IQCM: variants seen among roughly 807,000 people sequenced by gnomAD.
IQCM encodes the protein IQ domain-containing protein M.
Under a neutral mutation model 57.6 loss-of-function variants are expected in IQCM, and 45 were observed. That is an observed-to-expected ratio of 0.78 (90% CI 0.62 to 1.00). IQCM has a LOEUF of 1.00. Ranked by LOEUF, IQCM falls within the 50% of genes least tolerant of loss-of-function variation. IQCM has a pLI of 0.00. For synonymous variants in IQCM, 148 were observed against 158.9 expected (o/e 0.93, Z 0.51); for missense variants, 468 against 511.6 (o/e 0.91, Z 0.82).
At chr4:149,627,170 GGA>G (rs1364763581) in intron 7 of IQCM, among the ~76,000 whole-genome samples, 1 of 152,080 alleles carries the variant, frequency 6.6e-6, no homozygotes, top group Admixed American at 6.5e-5. Flanking sequence ...AATGCATAAT[GGA>G]GATTGTAATT....
intron 13 of IQCM, among the ~76,000 whole-genome samples, chr4:149,378,819 G>A (rs1420343080): frequency 6.6e-6 from 1 of 152,150 alleles, no homozygotes; most frequent in African/African-American, 2.4e-5. Context: ...AAGACACTAT[G>A]GGGAGAATGT....
At chr4:149,574,913 G>T (rs1751494145) in intron 9 of IQCM, among the ~76,000 whole-genome samples, 1 of 151,910 alleles carries the variant, frequency 6.6e-6, no homozygotes, top group African/African-American at 2.4e-5. Context: ...AGATCAGGTT[G>T]CCAAGTTCAG....
intron 12 of IQCM, among the ~76,000 whole-genome samples, chr4:149,465,852 G>T (rs1738805817): frequency 6.6e-6 from 1 of 152,060 alleles, no homozygotes; most frequent in African/African-American, 2.4e-5. Flanking sequence ...CTAATGGCAT[G>T]GTAGAGAACT....
intron 5 of IQCM, among the ~76,000 whole-genome samples, chr4:149,728,878 GC>G (rs1766205332): frequency 6.6e-6 from 1 of 152,170 alleles, no homozygotes; most frequent in Admixed American, 6.5e-5. Flanking sequence ...AGCTCAGAGA[GC>G]AGGACCTCCA....
chr4:149,709,925 A>G (rs541390843), intron 5 of IQCM, among the ~76,000 whole-genome samples: 2 of 152,288 alleles, frequency 1.3e-5, no homozygotes, highest in South Asian at 4.1e-4. Flanking sequence ...AAAATTCACT[A>G]CAGTTTCAAG....
intron 13 of IQCM, among the ~76,000 whole-genome samples, chr4:149,383,197 C>T (rs983095323): frequency 6.6e-6 from 1 of 152,088 alleles, no homozygotes; most frequent in African/African-American, 2.4e-5. Flanking sequence ...TAATTGCTTC[C>T]ATTGCCATAT....
chr4:149,374,951 C>T (rs952051066), intron 13 of IQCM, among the ~76,000 whole-genome samples: 4 of 151,104 alleles, frequency 2.6e-5, no homozygotes, highest in African/African-American at 7.3e-5. Context: ...AGTTCCTTGC[C>T]TCTGCCACAC....
At chr4:149,759,710 A>AT (rs1769319474) in intron 2 of IQCM, among the ~76,000 whole-genome samples, 1 of 152,168 alleles carries the variant, frequency 6.6e-6, no homozygotes, top group Admixed American at 6.5e-5. Flanking sequence ...AATATTTAAA[A>AT]TTGGGAGTAA....
rs772638628 is a variant in IQCM at position 149,686,722 on chromosome 4, G to T, written c.386-254C>A. 2.7e-4 allele frequency among the ~76,000 whole-genome samples: 41 copies of T among 151,662 alleles called. 1 individual carries two copies. The highest frequency in any genetic ancestry group is 4.6e-4 in the Admixed American group (7 of 15,178). On this transcript the variant is annotated intron_variant, in intron 5 of 13. Transcript: ENST00000636793. ...AACTACATATATCAGAAAGGAGATTGCTCTCAGAGAAATGGCTGCAACAGC... is the reference window on the plus strand; with the variant it reads ...AACTACATATATCAGAAAGGAGATTTCTCTCAGAGAAATGGCTGCAACAGC...
At chr4:149,780,547 A>AT (rs1554040407) in intron 2 of IQCM, among the ~76,000 whole-genome samples, 14 of 119,434 alleles carry the variant, frequency 1.2e-4, no homozygotes, top group African/African-American at 3.2e-4. Flanking sequence ...ATATATATAT[A>AT]AAACATATTT....
intron 7 of IQCM, among the ~76,000 whole-genome samples, chr4:149,634,263 C>T (rs1757536899): frequency 6.6e-6 from 1 of 152,136 alleles, no homozygotes; most frequent in African/African-American, 2.4e-5. Context: ...CCCACCTCGG[C>T]CTCCCAAAGT....
chr4:149,428,092 TG>T (rs1489843913), intron 13 of IQCM, among the ~76,000 whole-genome samples: 1 of 151,836 alleles, frequency 6.6e-6, no homozygotes, highest in Non-Finnish European at 1.5e-5. Flanking sequence ...CAAATGATAA[TG>T]TAAGTTTTTT....
chr4:149,660,779 C>A (rs1371788555), intron 7 of IQCM, among the ~76,000 whole-genome samples: 3 of 149,226 alleles, frequency 2.0e-5, no homozygotes, highest in East Asian at 4.0e-4. Flanking sequence ...GGGAACCGAA[C>A]AATGAGAACA....
At chr4:149,664,643 C>T (rs113956711) in intron 7 of IQCM, among the ~76,000 whole-genome samples, 4,341 of 152,200 alleles carry the variant, frequency 0.029, 88 homozygotes, top group South Asian at 0.052. Flanking sequence ...GTTGGGGACA[C>T]GGGCACTGGG....
chr4:149,454,167 TAC>T (rs200120358), intron 12 of IQCM, among the ~76,000 whole-genome samples: 2,775 of 143,410 alleles, frequency 0.019, 81 homozygotes, highest in Admixed American at 0.059. Context: ...TATATATATA[TAC>T]ACACACACAC....
chr4:149,786,284 G>A (rs1463523360), intron 2 of IQCM, among the ~76,000 whole-genome samples: 1 of 152,164 alleles, frequency 6.6e-6, no homozygotes, highest in Admixed American at 6.6e-5. Context: ...TCCTTGAGTT[G>A]AAGGAGACCT....
chr4:149,486,039 C>A lies in IQCM; in HGVS notation c.1229-52482G>T, dbSNP rs1048467511. Among the ~76,000 whole-genome samples, 26 of 151,150 alleles carry A rather than the reference C, an allele frequency of 1.7e-4. No individual in the cohort carries two copies. The South Asian group carries it at 1.9e-3, about 11-fold the overall frequency. On this transcript the variant is annotated intron_variant, in intron 12 of 13. Transcript: ENST00000636793. ...AGAGTCTCTCTCTCTCTCTCTCTCT[C>A]TCTCTCTCTCTCTCTCTCTCTCTCT...
At chr4:149,808,216 G>T (rs1774253923) in intron 2 of IQCM, among the ~76,000 whole-genome samples, 1 of 152,072 alleles carries the variant, frequency 6.6e-6, no homozygotes, top group Non-Finnish European at 1.5e-5. Context: ...GATGCACAAT[G>T]CAATATTATT....
At chr4:149,658,621 T>C (rs985911061) in intron 7 of IQCM, among the ~76,000 whole-genome samples, 6 of 152,122 alleles carry the variant, frequency 3.9e-5, no homozygotes, top group Admixed American at 2.0e-4. Context: ...ACATGGGATA[T>C]CTTTCCATTT....
Sources: allele counts gnomAD v4.1 joint callset (sites outside exome capture counted in the v4.1 genomes callset), GRCh38; gene constraint gnomAD v4.1.1; transcripts MANE v1.5; gene names NCBI Gene and HGNC (gene_info 2026-07-23, HGNC 2026-07-21).